The following COPS2 variants were observed in gnomAD, a reference collection of about 807,000 sequenced individuals.
The protein encoded by COPS2 is COP9 signalosome complex subunit 2.
Under a neutral mutation model 66.1 loss-of-function variants are expected in COPS2, and 10 were observed. The observed-to-expected ratio is 0.15, with a 90% confidence interval of 0.09 to 0.26. COPS2 has a LOEUF of 0.26. Ranked by LOEUF, COPS2 falls within the 10% of genes least tolerant of loss-of-function variation. The probability of loss-of-function intolerance (pLI) is 1.00; values close to 1 mark genes in which losing one functional copy is unlikely to be tolerated. For missense variants in COPS2, 215 were observed against 513.3 expected, an observed-to-expected ratio of 0.42 and a Z score of 5.62; for synonymous variants, 179 against 171.3, an observed-to-expected ratio of 1.04 and a Z score of -0.35.
chr15:49,131,398 T>C (rs982194493), intron 9 of COPS2, among the ~76,000 whole-genome samples: 4 of 151,612 alleles, frequency 2.6e-5, no homozygotes, highest in Non-Finnish European at 5.9e-5. Context: ...CTGATTTATA[T>C]TCATAATTCT....
chr15:49,132,566 A>C (rs2084218998), intron 9 of COPS2, among the ~76,000 whole-genome samples: 1 of 131,316 alleles, frequency 7.6e-6, no homozygotes, highest in African/African-American at 2.9e-5. Context: ...ATTTACATAT[A>C]TCTGCAAAAA....
At position 49,126,152 on chromosome 15, in the gene COPS2, T is replaced by A. The variant is rs1484690421; in HGVS notation, c.*1798A>T. 6.6e-6 allele frequency: 1 copy of A among 152,450 alleles called. No homozygotes were observed. Among genetic ancestry groups the A allele is most frequent in the Non-Finnish European group, 1.5e-5 (1 of 67,914 alleles). 9.4% of individuals were successfully genotyped at this position (152,450 alleles called of 1,614,324 possible). On this transcript the variant is annotated 3_prime_UTR_variant, in exon 13 of 13. Transcript: ENST00000388901. ...GTTTAGCACACTTTTCACAAATGAT[T>A]TATGTAAAAGAGAAAATACACATAA... is the stretch of plus-strand genomic sequence containing the variant.
chr15:49,129,574 A>G lies in COPS2; in HGVS notation c.1046-15T>C. 1.5e-6 allele frequency: 2 copies of G among 1,362,734 alleles called. No homozygotes were observed. The highest frequency in any genetic ancestry group is 2.0e-6 in the Non-Finnish European group (2 of 1,009,654). 84.4% of individuals were successfully genotyped at this position (1,362,734 alleles called of 1,614,324 possible). On this transcript the variant is annotated splice_polypyrimidine_tract_variant and intron_variant, in intron 10 of 12. Transcript: ENST00000388901. ...TCGCAAAAGCTCTGAAAGACAAAAA[A>G]TTAAAATAACATTTTATTTAACAGT...
rs1393695260 is a variant in COPS2 at position 49,125,316 on chromosome 15, A to C, written c.*2634T>G. 6.6e-6 allele frequency: 1 copy of C among 152,150 alleles called. No individual in the cohort carries two copies. The highest frequency in any genetic ancestry group is 1.5e-5 in the Non-Finnish European group (1 of 67,978). The allele number at this position is 152,150 out of a possible 1,614,324, so 9.4% of individuals were successfully genotyped here. On this transcript the variant is annotated 3_prime_UTR_variant, in exon 13 of 13. Transcript: ENST00000388901. Reference sequence around the variant, plus strand: ...AGTATTTAATCAACAACTTTAATGTAAGAGCAAGAGTGAGTAATGGAAATC... The same window carrying C: ...AGTATTTAATCAACAACTTTAATGTCAGAGCAAGAGTGAGTAATGGAAATC...
At chr15:49,128,457 A>G (rs562860532) in intron 12 of COPS2, among the ~76,000 whole-genome samples, 1 of 151,774 alleles carries the variant, frequency 6.6e-6, no homozygotes, top group East Asian at 1.9e-4. Context: ...CTATTCATTA[A>G]ATAATTCTTT....
chr15:49,133,011 C>T (rs1253391965), intron 9 of COPS2, among the ~76,000 whole-genome samples: 8 of 130,924 alleles, frequency 6.1e-5, no homozygotes, highest in South Asian at 2.4e-4. Flanking sequence ...TTTTTTGAGA[C>T]GGAGTCTTGC....
At chr15:49,152,858 C>T (rs544195997) in intron 1 of COPS2, among the ~76,000 whole-genome samples, 1 of 152,104 alleles carries the variant, frequency 6.6e-6, no homozygotes, top group Non-Finnish European at 1.5e-5. Context: ...TATTCAACTT[C>T]ATTTTACTGC....
At position 49,123,145 on chromosome 15, in the gene COPS2, C is replaced by A. The variant is rs1249011280; in HGVS notation, c.*4805G>T. On this transcript the variant is annotated 3_prime_UTR_variant, in exon 13 of 13. Coordinates refer to ENST00000388901, the MANE Select transcript of COPS2 (RefSeq NM_004236.4). Reference sequence around the variant, plus strand: ...ACTGTCGTAAACAGTAAGGGATAGGCAAACATTTGAACAGAAATTAGATAC... The same window carrying A: ...ACTGTCGTAAACAGTAAGGGATAGGAAAACATTTGAACAGAAATTAGATAC... 6.6e-6 allele frequency: 1 copy of A among 151,552 alleles called. No homozygotes were observed. Among genetic ancestry groups the A allele is most frequent in the Non-Finnish European group, 1.5e-5 (1 of 67,592 alleles). 9.4% of individuals were successfully genotyped at this position (151,552 alleles called of 1,614,324 possible).
At chr15:49,134,316 C>T (rs778982456) in intron 7 of COPS2, 24 bp downstream of exon 7, 1 of 1,608,290 alleles carries the variant, frequency 6.2e-7, no homozygotes, top group Non-Finnish European at 8.5e-7. Context: ...ATGCCACTGC[C>T]CACCCTCTCC....
intron 1 of COPS2, among the ~76,000 whole-genome samples, chr15:49,147,784 T>C (rs977119443): frequency 6.6e-6 from 1 of 151,896 alleles, no homozygotes; most frequent in African/African-American, 2.4e-5. Context: ...TTCAGCCCTC[T>C]TCGTTTTGTG....
chr15:49,153,319 GAAA>G (rs75762192), intron 1 of COPS2, among the ~76,000 whole-genome samples: 3 of 144,730 alleles, frequency 2.1e-5, no homozygotes, highest in South Asian at 2.2e-4. Flanking sequence ...ACACATACAT[GAAA>G]AAAAAAAAGG....
At chr15:49,135,857 T>G (rs1034052170) in intron 6 of COPS2, among the ~76,000 whole-genome samples, 3 of 152,206 alleles carry the variant, frequency 2.0e-5, no homozygotes, top group Non-Finnish European at 2.9e-5. Flanking sequence ...CTATTTACCA[T>G]CCTGATAGCA....
chr15:49,143,783 G>T (rs1270650470), intron 3 of COPS2, among the ~76,000 whole-genome samples: 1 of 152,098 alleles, frequency 6.6e-6, no homozygotes, highest in East Asian at 1.9e-4. Context: ...TCAGGAGATC[G>T]AGACCATCCT....
At position 49,155,590 on chromosome 15, in the gene COPS2, G is replaced by A. The variant is rs77933182; in HGVS notation, c.-12C>T. ...TCCATGTCAGACATCTTGGCCGGGA[G>A]GGGGAGGAGAAATTGGAGACAACCT... On this transcript the variant is annotated 5_prime_UTR_variant, in exon 1 of 13. Coordinates refer to ENST00000388901, the MANE Select transcript of COPS2 (RefSeq NM_004236.4). 2.7e-5 allele frequency: 44 copies of A among 1,613,740 alleles called. No individual in the cohort carries two copies. The highest frequency in any genetic ancestry group is 1.9e-4 in the South Asian group (17 of 91,076).
At chr15:49,155,367 C>T (rs776170561) in intron 1 of COPS2, among the ~76,000 whole-genome samples, 158 bp downstream of exon 1, 2 of 152,152 alleles carry the variant, frequency 1.3e-5, no homozygotes, top group Non-Finnish European at 1.5e-5. Flanking sequence ...GGCCCGGGCC[C>T]GGTGCGGGAA....
intron 6 of COPS2, among the ~76,000 whole-genome samples, chr15:49,136,419 T>A (rs1480544536): frequency 6.6e-6 from 1 of 152,146 alleles, no homozygotes; most frequent in Non-Finnish European, 1.5e-5. Flanking sequence ...ACTCAGTACC[T>A]CTGTCACAAT....
At chr15:49,149,004 T>G (rs1595826210) in intron 1 of COPS2, among the ~76,000 whole-genome samples, 1 of 152,314 alleles carries the variant, frequency 6.6e-6, no homozygotes, top group East Asian at 1.9e-4. Flanking sequence ...AAATGTTCTT[T>G]AACAGAAGAG....
intron 3 of COPS2, among the ~76,000 whole-genome samples, chr15:49,142,910 T>C (rs1279186842): frequency 6.6e-6 from 1 of 151,862 alleles, no homozygotes; most frequent in African/African-American, 2.4e-5. Flanking sequence ...TCATGGAGCT[T>C]ACAATTTACT....
rs559585008 is a variant in COPS2 at position 49,134,118 on chromosome 15, A to G, written c.716-10T>C. The G allele has an allele frequency of 1.3e-6, 2 of 1,599,170 alleles. No homozygotes were observed. On this transcript the variant is annotated splice_polypyrimidine_tract_variant and intron_variant, in intron 7 of 12. Transcript: ENST00000388901. ...ATTTTACCACCACATTCTGTGAAGA[A>G]TAAGACATGAGAAAATAGGACATTT...
Sources: allele counts gnomAD v4.1 joint callset (sites outside exome capture counted in the v4.1 genomes callset), GRCh38; gene constraint gnomAD v4.1.1; transcripts MANE v1.5; gene names NCBI Gene and HGNC (gene_info 2026-07-23, HGNC 2026-07-21).